The following ERGIC2 variants were observed in gnomAD, a reference collection of about 807,000 sequenced individuals.
ERGIC2 encodes endoplasmic reticulum-Golgi intermediate compartment protein 2.
ERGIC2 carries 31 observed loss-of-function variants against 52.5 expected under a neutral mutation model. The observed-to-expected ratio is 0.59, with a 90% CI of 0.44 to 0.80. The LOEUF (loss-of-function observed/expected upper bound fraction) is 0.80, where lower values mean the gene tolerates loss of function less well. ERGIC2 is among the 30% of genes least tolerant of loss of function. ERGIC2 has a pLI of 0.00. For missense variants in ERGIC2, 395 were observed against 455.2 expected (o/e 0.87, Z 1.20); for synonymous variants, 129 against 140.6 (o/e 0.92, Z 0.58).
chr12:29,371,364 A>G (rs1314878654), intron 2 of ERGIC2, among the ~76,000 whole-genome samples, 164 bp downstream of exon 2: 1 of 152,240 alleles, frequency 6.6e-6, no homozygotes, highest in African/African-American at 2.4e-5. Context: ...GAGAATATTA[A>G]TAAGAATTAC....
chr12:29,350,524 A>G (rs1281887109), intron 8 of ERGIC2, among the ~76,000 whole-genome samples: 2 of 152,074 alleles, frequency 1.3e-5, no homozygotes, highest in African/African-American at 4.8e-5. Flanking sequence ...ATGAAATTTT[A>G]AATATTTCAT....
intron 10 of ERGIC2, among the ~76,000 whole-genome samples, chr12:29,345,852 CAGG>C (rs1319462232): frequency 1.3e-5 from 2 of 151,974 alleles, no homozygotes; most frequent in Non-Finnish European, 2.9e-5. Context: ...GAGGCTGAGG[CAGG>C]AGGATCATAT....
chr12:29,369,903 A>G (rs1940417092), intron 3 of ERGIC2, among the ~76,000 whole-genome samples: 1 of 152,006 alleles, frequency 6.6e-6, no homozygotes. Context: ...ATGCTAAATC[A>G]AAGAACCTCA....
At chr12:29,342,068 A>G (rs576825756) in intron 12 of ERGIC2, among the ~76,000 whole-genome samples, 2 of 152,114 alleles carry the variant, frequency 1.3e-5, no homozygotes, top group East Asian at 1.9e-4. Context: ...GCTGGAGTGC[A>G]GTGGTGCAAT....
chr12:29,364,949 G>GA (rs71042989), intron 5 of ERGIC2, among the ~76,000 whole-genome samples: 103 of 118,474 alleles, frequency 8.7e-4, no homozygotes, highest in Middle Eastern at 4.1e-3. Flanking sequence ...AAGTCAAAAA[G>GA]AAAAAAAAAA....
chr12:29,355,535 T>C (rs1346489850), intron 8 of ERGIC2, among the ~76,000 whole-genome samples: 7 of 152,192 alleles, frequency 4.6e-5, no homozygotes, highest in Admixed American at 4.6e-4. Flanking sequence ...GATCTATTTA[T>C]TCATTCAAAA....
intron 6 of ERGIC2, among the ~76,000 whole-genome samples, chr12:29,359,763 GA>G (rs922937463): frequency 4.1e-5 from 6 of 146,758 alleles, no homozygotes; most frequent in East Asian, 2.0e-4. Context: ...AGGGACTAGG[GA>G]AAAAAAAACG....
chr12:29,374,692 T>C (rs1360815868), intron 1 of ERGIC2, among the ~76,000 whole-genome samples: 1 of 152,228 alleles, frequency 6.6e-6, no homozygotes, highest in Non-Finnish European at 1.5e-5. Flanking sequence ...GTTATATCTT[T>C]AGACTTAAGC....
intron 8 of ERGIC2, among the ~76,000 whole-genome samples, chr12:29,353,788 T>G (rs1940166843): frequency 6.6e-6 from 1 of 152,010 alleles, no homozygotes; most frequent in Admixed American, 6.6e-5. Flanking sequence ...AGTGAGCATC[T>G]TCTTCAAAAA....
At chr12:29,370,738 C>A (rs1940429845) in intron 2 of ERGIC2, among the ~76,000 whole-genome samples, 1 of 151,980 alleles carries the variant, frequency 6.6e-6, no homozygotes, top group Non-Finnish European at 1.5e-5. Context: ...CCACAATAAT[C>A]TGTGTGCCAG....
intron 11 of ERGIC2, among the ~76,000 whole-genome samples, chr12:29,344,400 A>G (rs1029068536): frequency 2.6e-5 from 4 of 152,128 alleles, no homozygotes; most frequent in South Asian, 2.1e-4. Flanking sequence ...ATTTTCCCCA[A>G]AGTCTTCTCA....
intron 6 of ERGIC2, among the ~76,000 whole-genome samples, chr12:29,360,660 A>T (rs1035285062): frequency 1.3e-5 from 2 of 148,430 alleles, no homozygotes; most frequent in Non-Finnish European, 3.0e-5. Context: ...TTGTATATAT[A>T]TACACAGAAA....
chr12:29,347,549 T>C (rs1820786814), intron 10 of ERGIC2, among the ~76,000 whole-genome samples: 1 of 152,120 alleles, frequency 6.6e-6, no homozygotes, highest in Non-Finnish European at 1.5e-5. Context: ...CTAACACTTA[T>C]TACCTAAAGA....
intron 11 of ERGIC2, among the ~76,000 whole-genome samples, chr12:29,344,326 C>A (rs1471780280): frequency 1.3e-5 from 2 of 152,154 alleles, no homozygotes; most frequent in Non-Finnish European, 2.9e-5. Flanking sequence ...TTTGCAGATA[C>A]TGCTAAACTA....
chr12:29,360,144 T>A (rs1940263231), intron 6 of ERGIC2, among the ~76,000 whole-genome samples: 1 of 152,096 alleles, frequency 6.6e-6, no homozygotes, highest in Non-Finnish European at 1.5e-5. Flanking sequence ...ATATAGCCTT[T>A]TGGAGTATAA....
chr12:29,363,795 G>C (rs1940317929), intron 5 of ERGIC2, among the ~76,000 whole-genome samples: 1 of 148,246 alleles, frequency 6.7e-6, no homozygotes, highest in Non-Finnish European at 1.5e-5. Flanking sequence ...AAGAGATGTA[G>C]GGGGAAAAAA....
chr12:29,363,922 A>G (rs1311575547), intron 5 of ERGIC2, among the ~76,000 whole-genome samples: 1 of 152,100 alleles, frequency 6.6e-6, no homozygotes, highest in Non-Finnish European at 1.5e-5. Context: ...TAGAGGATAC[A>G]TTCAAGATTA....
At chr12:29,365,581 T>G (rs940854007) in intron 5 of ERGIC2, among the ~76,000 whole-genome samples, 2 of 151,686 alleles carry the variant, frequency 1.3e-5, no homozygotes, top group Non-Finnish European at 2.9e-5. Context: ...GTAACAAACC[T>G]TCACATGTAC....
chr12:29,359,746 T>C lies in ERGIC2; in HGVS notation c.374+1899A>G, dbSNP rs111875361. ...AATTAAAAGAGAAAGACTCTTGGAA[T>C]ATACTTAGGGACTAGGGAAAAAAAA... On this transcript the variant is annotated intron_variant, in intron 6 of 13. Coordinates refer to ENST00000360150, the MANE Select transcript of ERGIC2 (RefSeq NM_016570.3). Among the ~76,000 whole-genome samples the C allele has an allele frequency of 3.3e-3, 496 of 151,754 alleles. 2 individuals carry two copies. The highest frequency in any genetic ancestry group is 5.8e-3 in the Non-Finnish European group (394 of 67,888).
Sources: allele counts gnomAD v4.1 joint callset (sites outside exome capture counted in the v4.1 genomes callset), GRCh38; gene constraint gnomAD v4.1.1; transcripts MANE v1.5; gene names NCBI Gene and HGNC (gene_info 2026-07-23, HGNC 2026-07-21).